ANXA8: variants seen among roughly 807,000 people sequenced by gnomAD.
ANXA8 encodes the protein VAC-beta.
In ANXA8, 9 loss-of-function variants were observed where a neutral mutation model predicts 26.8. The observed-to-expected ratio is 0.34, with a 90% CI of 0.20 to 0.59. The LOEUF is 0.59. Ranked by LOEUF, ANXA8 falls within the 20% of genes least tolerant of loss-of-function variation. ANXA8 has a pLI of 0.84. For synonymous variants in ANXA8, 39 were observed against 94.8 expected (o/e 0.41, Z 3.42); for missense variants, 83 against 238.5 (o/e 0.35, Z 4.29).
chr10:47,548,242 G>GA, the ANXA8 span, among the ~76,000 whole-genome samples: 12 of 145,524 alleles, frequency 8.2e-5, no homozygotes, highest in African/African-American at 1.7e-4. Flanking sequence ...AAATAAAAAT[G>GA]AAAAAAACAA....
At position 47,473,953 on chromosome 10, in the gene ANXA8, C is replaced by G; in HGVS notation, c.742+17G>C. 2.2e-6 allele frequency: 1 copy of G among 461,538 alleles called. No individual in the cohort carries two copies. Among genetic ancestry groups the G allele is most frequent in the Non-Finnish European group, 3.6e-6 (1 of 278,478 alleles). The allele number at this position is 461,538 out of a possible 1,614,324, so 28.6% of individuals were successfully genotyped here. ...TGAGCCCTGTGGCCTGAAAAACGTGCAAGTCTGAGCTCTTACCCACAGTGA... is the reference window on the plus strand; with the variant it reads ...TGAGCCCTGTGGCCTGAAAAACGTGGAAGTCTGAGCTCTTACCCACAGTGA... On this transcript the variant is annotated intron_variant, in intron 9 of 11. Transcript: ENST00000585281.
chr10:47,493,502 C>A, the ANXA8 span, among the ~76,000 whole-genome samples: 1 of 148,400 alleles, frequency 6.7e-6, no homozygotes, highest in Admixed American at 6.7e-5. Flanking sequence ...AGGGTCCTTT[C>A]TATGCCTGCT....
At chr10:47,563,981 C>T in the ANXA8 span, among the ~76,000 whole-genome samples, 2 of 145,962 alleles carry the variant, frequency 1.4e-5, no homozygotes, top group African/African-American at 5.1e-5. Flanking sequence ...AGTAAATAAG[C>T]TATTATCTTT....
chr10:47,665,957 T>C, the ANXA8 span, among the ~76,000 whole-genome samples: 3 of 151,948 alleles, frequency 2.0e-5, no homozygotes, highest in Non-Finnish European at 4.4e-5. Context: ...AGTTAATGTA[T>C]AGCTGGTAGA....
the ANXA8 span, among the ~76,000 whole-genome samples, chr10:47,744,345 C>G: frequency 2.1e-5 from 3 of 146,158 alleles, no homozygotes; most frequent in Admixed American, 2.1e-4. Flanking sequence ...CTGTGGGACC[C>G]TGAGAAACGG....
At chr10:47,557,384 A>T in the ANXA8 span, among the ~76,000 whole-genome samples, 1 of 151,600 alleles carries the variant, frequency 6.6e-6, no homozygotes, top group Non-Finnish European at 1.5e-5. Flanking sequence ...TTTATCTGAG[A>T]CATAGTATTT....
At chr10:47,762,283 C>T in the ANXA8 span, among the ~76,000 whole-genome samples, 1 of 151,788 alleles carries the variant, frequency 6.6e-6, no homozygotes, top group African/African-American at 2.4e-5. Flanking sequence ...ATTTGCGGGA[C>T]CTAGGAGGCT....
the ANXA8 span, among the ~76,000 whole-genome samples, chr10:47,639,311 A>ATTTT: frequency 8.4e-5 from 5 of 59,598 alleles, no homozygotes; most frequent in African/African-American, 1.2e-4. Flanking sequence ...TATTATTATT[A>ATTTT]TTATTTTTTT....
At chr10:47,682,707 T>C in the ANXA8 span, among the ~76,000 whole-genome samples, 8 of 151,890 alleles carry the variant, frequency 5.3e-5, no homozygotes, top group Non-Finnish European at 8.8e-5. Flanking sequence ...CCTGACCTCA[T>C]GACCTGCCCA....
chr10:47,560,036 C>T, the ANXA8 span, among the ~76,000 whole-genome samples: 40 of 150,600 alleles, frequency 2.7e-4, no homozygotes, highest in African/African-American at 2.2e-4. Context: ...TTCCATCCAG[C>T]GGAACATGTC....
chr10:47,723,765 C>T, the ANXA8 span, among the ~76,000 whole-genome samples: 1 of 121,086 alleles, frequency 8.3e-6, no homozygotes, highest in Non-Finnish European at 1.8e-5. Context: ...CCTCCAGGCT[C>T]CAGTAGTCAG....
At chr10:47,982,751 T>C in the ANXA8 span, among the ~76,000 whole-genome samples, 2 of 132,022 alleles carry the variant, frequency 1.5e-5, no homozygotes, top group Non-Finnish European at 3.2e-5. Context: ...AAGGACACCA[T>C]CAAGAAAGTC....
the ANXA8 span, among the ~76,000 whole-genome samples, chr10:47,595,349 C>G: frequency 1.4e-5 from 2 of 145,404 alleles, no homozygotes; most frequent in African/African-American, 5.5e-5. Context: ...AGCAACTACG[C>G]AATTGAGACT....
chr10:47,986,447 A>C, the ANXA8 span: 1 of 249,268 alleles, frequency 4.0e-6, no homozygotes, highest in Non-Finnish European at 8.0e-6. Flanking sequence ...TTGTCTATTG[A>C]CTTGTTTCTT....
chr10:47,912,526 A>C, the ANXA8 span, among the ~76,000 whole-genome samples: 1 of 107,646 alleles, frequency 9.3e-6, no homozygotes, highest in African/African-American at 3.5e-5. Flanking sequence ...CTGCATGGCC[A>C]CTCTTTGTCC....
At chr10:47,733,223 C>T in the ANXA8 span, among the ~76,000 whole-genome samples, 1,680 of 59,554 alleles carry the variant, frequency 0.028, 7 homozygotes, top group East Asian at 0.068. Context: ...CTTTCTTTCT[C>T]TTTCTTTCTC....
At chr10:47,748,061 T>C in the ANXA8 span, among the ~76,000 whole-genome samples, 1 of 152,252 alleles carries the variant, frequency 6.6e-6, no homozygotes, top group East Asian at 1.9e-4. Context: ...CTAACACATA[T>C]GTAACTGGAG....
At chr10:47,958,654 G>A in the ANXA8 span, among the ~76,000 whole-genome samples, 5 of 147,794 alleles carry the variant, frequency 3.4e-5, no homozygotes, top group South Asian at 2.1e-4. Flanking sequence ...GGTACTCCCC[G>A]GCTAACCCTA....
chr10:47,649,235 C>T, the ANXA8 span, among the ~76,000 whole-genome samples: 1 of 150,434 alleles, frequency 6.6e-6, no homozygotes, highest in South Asian at 2.1e-4. Flanking sequence ...CCTCATCATA[C>T]TGTAGCAAGA....
Sources: gnomAD v4.1 joint callset for allele counts (sites outside exome capture counted in the v4.1 genomes callset) on GRCh38, gnomAD v4.1.1 for gene constraint, MANE v1.5 for transcripts, NCBI Gene and HGNC (gene_info 2026-07-23, HGNC 2026-07-21) for gene names.